Variants in ADARB2 observed in about 807,000 individuals in gnomAD.
The protein encoded by ADARB2 is inactive double-stranded RNA-specific editase B2.
ADARB2 carries 25 observed loss-of-function variants against 62.2 expected under a neutral mutation model. The observed-to-expected ratio is 0.40, with a 90% CI of 0.29 to 0.56. The LOEUF (loss-of-function observed/expected upper bound fraction) is 0.56. Among genes scored for constraint, ADARB2 ranks in the 20% least tolerant of loss-of-function variants. The pLI is 0.43. For synonymous variants in ADARB2, 572 were observed against 500.8 expected (o/e 1.14, Z -1.90); for missense variants, 1,071 against 1,077.4 (o/e 0.99, Z 0.08).
intron 1 of ADARB2, among the ~76,000 whole-genome samples, chr10:1,635,974 G>A (rs1030920533): frequency 1.3e-5 from 2 of 151,346 alleles, no homozygotes; most frequent in South Asian, 4.2e-4. Context: ...CATAAACCAC[G>A]GCTGGATAGG....
intron 8 of ADARB2, 70 bp downstream of exon 8, chr10:1,199,896 C>T (rs894629801): frequency 1.3e-5 from 18 of 1,413,094 alleles, no homozygotes; most frequent in Admixed American, 5.5e-5. Context: ...GGGATGGCAC[C>T]GCCGGGCACA....
At chr10:1,468,970 A>C (rs994860967) in intron 1 of ADARB2, among the ~76,000 whole-genome samples, 3 of 152,220 alleles carry the variant, frequency 2.0e-5, no homozygotes, top group South Asian at 2.1e-4. Flanking sequence ...GTCTTGCCCA[A>C]GTGGCCCCGC....
intron 1 of ADARB2, among the ~76,000 whole-genome samples, chr10:1,494,210 A>AT (rs1311840006): frequency 3.9e-5 from 6 of 152,226 alleles, no homozygotes; most frequent in Admixed American, 6.5e-5. Context: ...ATTTTCCTCC[A>AT]TTTTTTCTCC....
intron 4 of ADARB2, among the ~76,000 whole-genome samples, chr10:1,261,857 G>A (rs1259450909): frequency 3.3e-5 from 5 of 149,710 alleles, no homozygotes; most frequent in Non-Finnish European, 7.4e-5. Flanking sequence ...GTTTATTGTG[G>A]CATTATTCAC....
chr10:1,700,661 G>A (rs371075221), intron 1 of ADARB2, among the ~76,000 whole-genome samples: 10 of 4,824 alleles, frequency 2.1e-3, no homozygotes, highest in Non-Finnish European at 3.2e-3. Flanking sequence ...CCGGGAGACC[G>A]GGCGCTCGCC....
Position 1,704,866 on chromosome 10 carries a change from C to G in ADARB2, c.100+32185G>C, listed in dbSNP as rs949181610. Among the ~76,000 whole-genome samples, 2 of 152,158 alleles carry G rather than the reference C, an allele frequency of 1.3e-5. No homozygotes were observed. The highest frequency in any genetic ancestry group is 2.9e-5 in the Non-Finnish European group (2 of 68,044). On this transcript the variant is annotated intron_variant, in intron 1 of 9. Coordinates refer to ENST00000381312, the MANE Select transcript of ADARB2 (RefSeq NM_018702.4). This position sits in a 1 kb window ranked among gnomAD's most constrained non-coding sequence, Gnocchi z 5.6. Reference sequence around the variant, plus strand: ...GCCAGCCTGAGCCTCCACTCTCTCACTGAGGAGCCCAGCAGTTTATCATTT... The same window carrying G: ...GCCAGCCTGAGCCTCCACTCTCTCAGTGAGGAGCCCAGCAGTTTATCATTT...
intron 1 of ADARB2, among the ~76,000 whole-genome samples, chr10:1,489,496 G>A (rs904505930): frequency 7.2e-5 from 11 of 152,146 alleles, no homozygotes; most frequent in African/African-American, 1.9e-4. Context: ...CTTCACAGCC[G>A]CCACTTAATG....
At chr10:1,526,756 G>T in intron 1 of ADARB2, 1 of 443,836 alleles carries the variant, frequency 2.3e-6, no homozygotes. Flanking sequence ...CAACACACAC[G>T]GACTGAGCCG....
At chr10:1,199,909 T>A (rs1014870874) in intron 8 of ADARB2, 57 bp downstream of exon 8, 2 of 1,445,602 alleles carry the variant, frequency 1.4e-6, no homozygotes, top group Non-Finnish European at 1.8e-6. Flanking sequence ...CGGGCACACC[T>A]GTGTCTGGCC....
At chr10:1,185,781 C>T (rs937883064) in intron 8 of ADARB2, among the ~76,000 whole-genome samples, 8 of 152,224 alleles carry the variant, frequency 5.3e-5, no homozygotes, top group African/African-American at 1.2e-4. Flanking sequence ...GGGAAGCCCT[C>T]GTTTCAAAAG....
intron 4 of ADARB2, among the ~76,000 whole-genome samples, chr10:1,245,665 A>G (rs1830979374): frequency 1.3e-5 from 2 of 152,074 alleles, no homozygotes; most frequent in Non-Finnish European, 2.9e-5. Flanking sequence ...AAGGACATGA[A>G]CTCATCCTTT....
chr10:1,301,401 T>C (rs58991694), intron 3 of ADARB2, among the ~76,000 whole-genome samples: 70,231 of 151,810 alleles, frequency 0.46, 17,723 homozygotes, highest in East Asian at 0.8. Flanking sequence ...CTTGAACAGG[T>C]GAATTTTAGA....
intron 2 of ADARB2, among the ~76,000 whole-genome samples, chr10:1,364,795 C>T (rs1306102000): frequency 4.6e-5 from 7 of 152,124 alleles, no homozygotes; most frequent in Non-Finnish European, 1.5e-5. Flanking sequence ...TGTGGCAACC[C>T]TGAGTTGAGC....
chr10:1,646,291 G>C (rs183857329), intron 1 of ADARB2, among the ~76,000 whole-genome samples: 12 of 152,346 alleles, frequency 7.9e-5, no homozygotes, highest in Admixed American at 3.9e-4. Flanking sequence ...TTGTCAAGCA[G>C]CAAAATGGCA....
chr10:1,342,167 C>T (rs1832036104), intron 3 of ADARB2, among the ~76,000 whole-genome samples: 1 of 152,208 alleles, frequency 6.6e-6, no homozygotes, highest in Non-Finnish European at 1.5e-5. Flanking sequence ...ACAGTGAAGA[C>T]AGTGAGAGTC....
intron 1 of ADARB2, among the ~76,000 whole-genome samples, chr10:1,714,588 C>T (rs538447933): frequency 6.6e-6 from 1 of 152,206 alleles, no homozygotes. Flanking sequence ...TAACTCCCTT[C>T]TTATGTTTCT....
chr10:1,426,483 C>A lies in ADARB2; in HGVS notation c.101-47323G>T, dbSNP rs1487676274. On this transcript the variant is annotated intron_variant, in intron 1 of 9. Transcript: ENST00000381312. This position sits in a 1 kb window ranked among gnomAD's most constrained non-coding sequence, Gnocchi z 4.1. ...ACAGTCAGCATGCACACACATCATT[C>A]TTCAGGTGCAGTTATGACAGAAGGA... is the stretch of plus-strand genomic sequence containing the variant. Among the ~76,000 whole-genome samples the A allele has an allele frequency of 1.3e-5, 2 of 152,188 alleles. No individual in the cohort carries two copies. Among genetic ancestry groups the A allele is most frequent in the African/African-American group, 2.4e-5 (1 of 41,462 alleles).
intron 1 of ADARB2, among the ~76,000 whole-genome samples, chr10:1,736,182 A>C (rs1835298333): frequency 6.6e-6 from 1 of 152,222 alleles, no homozygotes; most frequent in South Asian, 2.1e-4. Context: ...CTAGGAGAGA[A>C]GGGTCGGCAT....
At chr10:1,671,502 A>T (rs1298074798) in intron 1 of ADARB2, among the ~76,000 whole-genome samples, 1 of 152,080 alleles carries the variant, frequency 6.6e-6, no homozygotes, top group African/African-American at 2.4e-5. Context: ...GGTAACATGC[A>T]TTTGCCTGCA....
Sources: gnomAD v4.1 joint callset for allele counts (sites outside exome capture counted in the v4.1 genomes callset) on GRCh38, gnomAD v4.1.1 for gene constraint, Gnocchi (gnomAD v3.1) non-coding constraint, MANE v1.5 for transcripts, NCBI Gene and HGNC (gene_info 2026-07-23, HGNC 2026-07-21) for gene names.